The following SLC48A1 variants were observed in gnomAD, a reference collection of about 807,000 sequenced individuals.
SLC48A1 encodes solute carrier family 48 member 1.
A neutral mutation model predicts 14.8 loss-of-function variants in SLC48A1; 6 were observed. The observed-to-expected ratio is 0.41, with a 90% CI of 0.22 to 0.80. SLC48A1 has a LOEUF of 0.80. Among genes scored for constraint, SLC48A1 ranks in the 30% least tolerant of loss-of-function variants. SLC48A1 has a pLI of 0.34. For synonymous variants in SLC48A1, 89 were observed against 90.0 expected, an observed-to-expected ratio of 0.99 and a Z score of 0.06; for missense variants, 165 against 204.8, an observed-to-expected ratio of 0.81 and a Z score of 1.19.
chr12:47,775,274 C>T (rs780424350), intron 1 of SLC48A1, among the ~76,000 whole-genome samples: 11 of 152,150 alleles, frequency 7.2e-5, no homozygotes, highest in Non-Finnish European at 1.5e-4. Flanking sequence ...GGTTTTCTTC[C>T]GACCCAACTC....
intron 2 of SLC48A1, among the ~76,000 whole-genome samples, chr12:47,761,601 T>C (rs1942382891): frequency 6.6e-6 from 1 of 152,222 alleles, no homozygotes; most frequent in Non-Finnish European, 1.5e-5. Context: ...TCAGCAGATA[T>C]TTGATCAAGG....
chr12:47,759,008 G>A (rs868538798), intron 1 of SLC48A1: 33 of 990,892 alleles, frequency 3.3e-5, no homozygotes, highest in Middle Eastern at 5.1e-4. Context: ...GGGGAAGGGG[G>A]CCGGCACTGG....
chr12:47,756,197 G>A (rs974211577), upstream of SLC48A1: 2 of 152,246 alleles, frequency 1.3e-5, no homozygotes, highest in Admixed American at 1.3e-4. Context: ...TGGAGAGTCA[G>A]GAGACAGCTT....
chr12:47,760,662 T>A (rs1942352807), intron 2 of SLC48A1, among the ~76,000 whole-genome samples: 1 of 152,206 alleles, frequency 6.6e-6, no homozygotes, highest in Non-Finnish European at 1.5e-5. Context: ...TTTCCATGTG[T>A]TTAATCCCTG....
At chr12:47,764,485 G>C (rs181977367) in intron 2 of SLC48A1, among the ~76,000 whole-genome samples, 1 of 152,200 alleles carries the variant, frequency 6.6e-6, no homozygotes, top group East Asian at 1.9e-4. Context: ...TGGTAGGGGC[G>C]ACTGCAGGAG....
upstream of SLC48A1, among the ~76,000 whole-genome samples, chr12:47,772,676 A>T (rs913078206): frequency 7.9e-5 from 8 of 101,428 alleles, no homozygotes; most frequent in Non-Finnish European, 1.4e-4. Context: ...GACTCTGTTT[A>T]AAAAAAAAAA....
In SLC48A1 at chr12:47,781,879, C is replaced by T. The variant is rs888481128; in HGVS notation, c.*1598C>T. ...CTTGGCCCTCCTGGCATGGGGTAACCACCAGCTCAGCTCTCCTCCTCCAGC... is the reference window on the plus strand; with the variant it reads ...CTTGGCCCTCCTGGCATGGGGTAACTACCAGCTCAGCTCTCCTCCTCCAGC... On this transcript the variant is annotated 3_prime_UTR_variant, in exon 3 of 3. Transcript: ENST00000442218. 1 of 152,742 alleles carries T rather than the reference C, an allele frequency of 6.5e-6. No homozygotes were observed. The highest frequency in any genetic ancestry group is 1.5e-5 in the Non-Finnish European group (1 of 68,432). 9.5% of individuals were successfully genotyped at this position (152,742 alleles called of 1,614,324 possible).
chr12:47,760,550 T>A, intron 2 of SLC48A1: 4 of 255,374 alleles, frequency 1.6e-5, no homozygotes, highest in Non-Finnish European at 2.5e-5. Flanking sequence ...TTGCTGCCCT[T>A]ACTCTGGGCA....
intron 2 of SLC48A1, among the ~76,000 whole-genome samples, chr12:47,762,047 A>T (rs1359743364): frequency 6.6e-6 from 1 of 151,784 alleles, no homozygotes; most frequent in Non-Finnish European, 1.5e-5. Context: ...AGGGGGAAAA[A>T]CTCATATCCA....
chr12:47,754,569 A>T (rs1004071549), upstream of SLC48A1, among the ~76,000 whole-genome samples: 48 of 152,196 alleles, frequency 3.2e-4, 1 homozygote, highest in African/African-American at 1.0e-3. Flanking sequence ...CTCATCTGTA[A>T]ACTGGGGTTG....
intron 2 of SLC48A1, among the ~76,000 whole-genome samples, chr12:47,763,936 G>C (rs1432970845): frequency 2.6e-5 from 4 of 152,204 alleles, no homozygotes; most frequent in Non-Finnish European, 5.9e-5. Flanking sequence ...TGAGGAAACA[G>C]TCGCTGAACA....
chr12:47,768,821 G>A (rs1942570060), upstream of SLC48A1: 2 of 152,146 alleles, frequency 1.3e-5, no homozygotes, highest in Admixed American at 6.5e-5. Context: ...TGGTTTAGAC[G>A]GGTAATCTAT....
chr12:47,773,200 C>T (rs1942663189), upstream of SLC48A1: 2 of 1,019,462 alleles, frequency 2.0e-6, no homozygotes, highest in Admixed American at 5.9e-5. Context: ...GAGCGCGGGG[C>T]GCCGGCTGCT....
At chr12:47,774,335 C>G (rs1021987323) in intron 1 of SLC48A1, among the ~76,000 whole-genome samples, 1 of 152,168 alleles carries the variant, frequency 6.6e-6, no homozygotes, top group Non-Finnish European at 1.5e-5. Context: ...GTTAAGCAAC[C>G]TGCTTCCCTT....
upstream of SLC48A1, among the ~76,000 whole-genome samples, chr12:47,757,397 A>G (rs948464420): frequency 1.3e-5 from 2 of 152,144 alleles, no homozygotes; most frequent in African/African-American, 4.8e-5. Flanking sequence ...AGCAGTGTCC[A>G]CATGATCACC....
rs778932237 is a variant in SLC48A1 at position 47,780,940 on chromosome 12, G to A, written c.*659G>A. The A allele has an allele frequency of 3.8e-6, 2 of 533,258 alleles. No homozygotes were observed. Among genetic ancestry groups the A allele is most frequent in the East Asian group, 5.4e-5 (1 of 18,352 alleles). 33.0% of individuals were successfully genotyped at this position (533,258 alleles called of 1,614,324 possible). ...AGGGCAACAAAGTCAAGAGGTCAAGGTGTAGGGCCATGAGGCCTGGACCTA... is the reference window on the plus strand; with the variant it reads ...AGGGCAACAAAGTCAAGAGGTCAAGATGTAGGGCCATGAGGCCTGGACCTA... On this transcript the variant is annotated 3_prime_UTR_variant, in exon 3 of 3. Transcript: ENST00000442218.
At chr12:47,764,842 G>C (rs994005186) in intron 2 of SLC48A1, among the ~76,000 whole-genome samples, 11 of 152,112 alleles carry the variant, frequency 7.2e-5, no homozygotes, top group Admixed American at 3.3e-4. Flanking sequence ...ACTTTGGGAG[G>C]CCAAGGCGGG....
At chr12:47,756,101 C>A (rs995659905), upstream of SLC48A1, 6 of 152,150 alleles carry the variant, frequency 3.9e-5, no homozygotes, top group African/African-American at 7.2e-5. Context: ...TGTTTTGGTG[C>A]CTTTGACCCC....
At chr12:47,773,039 G>A, upstream of SLC48A1, 1 of 298,870 alleles carries the variant, frequency 3.3e-6, no homozygotes, top group South Asian at 1.3e-4. Context: ...GCGGGTCTGG[G>A]GATGGGCCCA....
Sources: gnomAD v4.1 joint callset for allele counts (sites outside exome capture counted in the v4.1 genomes callset) on GRCh38, gnomAD v4.1.1 for gene constraint, MANE v1.5 for transcripts, NCBI Gene and HGNC (gene_info 2026-07-23, HGNC 2026-07-21) for gene names.